The following GRIK4 variants were observed in gnomAD, a reference collection of about 807,000 sequenced individuals.
GRIK4 encodes the protein glutamate receptor ionotropic, kainate 4.
A neutral mutation model predicts 104.9 loss-of-function variants in GRIK4; 40 were observed. The ratio of observed to expected loss-of-function variants is 0.38; its 90% CI spans 0.30 to 0.50. The LOEUF (loss-of-function observed/expected upper bound fraction) is 0.50. GRIK4 is among the 20% of genes least tolerant of loss of function. The pLI is 0.93. For synonymous variants in GRIK4, 485 were observed against 524.9 expected, an observed-to-expected ratio of 0.92 and a Z score of 1.04; for missense variants, 1,047 against 1,308.1, an observed-to-expected ratio of 0.80 and a Z score of 3.08.
chr11:120,667,576 C>T (rs1264524437), intron 3 of GRIK4, among the ~76,000 whole-genome samples: 2 of 152,226 alleles, frequency 1.3e-5, no homozygotes, highest in Non-Finnish European at 2.9e-5. Flanking sequence ...GCACACGTTC[C>T]CTATCAGCTT....
chr11:120,785,726 C>T (rs190408022), intron 3 of GRIK4, among the ~76,000 whole-genome samples: 10 of 152,290 alleles, frequency 6.6e-5, no homozygotes, highest in African/African-American at 1.7e-4. Flanking sequence ...GGGGTGTTTC[C>T]GGTTTACACA....
At chr11:120,818,956 C>T (rs1953031896) in intron 5 of GRIK4, among the ~76,000 whole-genome samples, 1 of 152,188 alleles carries the variant, frequency 6.6e-6, no homozygotes, top group South Asian at 2.1e-4. Flanking sequence ...TTTCCTATTA[C>T]CTACCAAATA....
intron 3 of GRIK4, among the ~76,000 whole-genome samples, chr11:120,775,303 T>G (rs1952021945): frequency 6.6e-6 from 1 of 150,760 alleles, no homozygotes; most frequent in Non-Finnish European, 1.5e-5. Context: ...AGAGCCCCCC[T>G]AAGTGGTGAA....
intron 20 of GRIK4, among the ~76,000 whole-genome samples, chr11:120,983,214 T>G: frequency 6.6e-6 from 1 of 152,186 alleles, no homozygotes; most frequent in East Asian, 1.9e-4. Flanking sequence ...CTGCCTGCTC[T>G]TTCTCCAGTC....
At chr11:120,646,244 T>C (rs1373211301) in intron 1 of GRIK4, among the ~76,000 whole-genome samples, 1 of 152,232 alleles carries the variant, frequency 6.6e-6, no homozygotes, top group African/African-American at 2.4e-5. Context: ...GGCATACTGC[T>C]AAGATCGCAG....
At chr11:120,684,331 A>G (rs1950242538) in intron 3 of GRIK4, among the ~76,000 whole-genome samples, 1 of 152,216 alleles carries the variant, frequency 6.6e-6, no homozygotes, top group Non-Finnish European at 1.5e-5. Context: ...TCTAAGAAAT[A>G]AAAAAGGAAA....
chr11:120,953,024 T>G lies in GRIK4; in HGVS notation c.1700+60T>G. On this transcript the variant is annotated intron_variant, in intron 15 of 20. Transcript: ENST00000527524. The surrounding 1 kb of genome is among the most constrained non-coding windows in gnomAD (Gnocchi z 4.9). Reference sequence around the variant, plus strand: ...CCACCTCGTGTCCACCTCTGGGAACTGCATGGGGAGGGGGTGGGGAGGAGG... The same window carrying G: ...CCACCTCGTGTCCACCTCTGGGAACGGCATGGGGAGGGGGTGGGGAGGAGG... 2 of 1,000,860 alleles carry G rather than the reference T, an allele frequency of 2.0e-6. No individual in the cohort carries two copies. The highest frequency in any genetic ancestry group is 1.3e-5 in the South Asian group (1 of 76,726). The allele number at this position is 1,000,860 out of a possible 1,614,324, so 62.0% of individuals were successfully genotyped here. A position where few individuals can be genotyped will look rare whatever the true frequency, so the allele number is the denominator to read the frequency against.
In GRIK4 at chr11:120,912,348, G is replaced by A. The variant is rs904422108; in HGVS notation, c.1476+6855G>A. The stretch of plus-strand genomic sequence containing the variant: ...GAGTGGGCTTCAGCAGGCTGAAGGC[G>A]TAGACTGTAGGGTGAATGGATGGGT... On this transcript the variant is annotated intron_variant, in intron 13 of 20. Coordinates refer to ENST00000527524, the MANE Select transcript of GRIK4 (RefSeq NM_014619.5). 4.6e-5 allele frequency among the ~76,000 whole-genome samples: 7 copies of A among 152,322 alleles called. 1 individual carries two copies. In the South Asian group the frequency reaches 8.3e-4, roughly 18 times the overall value.
At position 120,578,146 on chromosome 11, in the gene GRIK4, C is replaced by T. The variant is rs540526710; in HGVS notation, c.-159+66259C>T. 8.3e-4 allele frequency among the ~76,000 whole-genome samples: 127 copies of T among 152,256 alleles called. 1 individual carries two copies. The highest frequency in any genetic ancestry group is 1.7e-3 in the Non-Finnish European group (113 of 68,022). On this transcript the variant is annotated intron_variant, in intron 1 of 20. Transcript: ENST00000527524. ...GCAGGGAGAAGGAGAGAAACACGAC[C>T]AGAGGGCAGGGAAGTAGAAGGGCAC...
At chr11:120,704,946 T>A (rs1042460117) in intron 3 of GRIK4, among the ~76,000 whole-genome samples, 3 of 152,228 alleles carry the variant, frequency 2.0e-5, no homozygotes, top group Non-Finnish European at 4.4e-5. Context: ...ATTTGTTGAA[T>A]AGACTGTTCT....
chr11:120,665,778 C>T (rs1949903966), intron 3 of GRIK4, among the ~76,000 whole-genome samples: 1 of 152,162 alleles, frequency 6.6e-6, no homozygotes, highest in Admixed American at 6.5e-5. Context: ...TTATGTAAGG[C>T]TATCTCTCCT....
chr11:120,668,438 A>G (rs1490867366), intron 3 of GRIK4, among the ~76,000 whole-genome samples: 2 of 152,172 alleles, frequency 1.3e-5, no homozygotes, highest in East Asian at 3.8e-4. Context: ...AATGAAAAGA[A>G]AGAGGCTTAC....
chr11:120,643,231 GA>G (rs1270979623), intron 1 of GRIK4, among the ~76,000 whole-genome samples: 1 of 151,996 alleles, frequency 6.6e-6, no homozygotes, highest in African/African-American at 2.4e-5. Flanking sequence ...AAGTGCTATG[GA>G]AAAAAGAAAA....
chr11:120,956,976 A>C lies in GRIK4; in HGVS notation c.1874+23A>C. 1 of 1,563,644 alleles carries C rather than the reference A, an allele frequency of 6.4e-7. No homozygotes were observed. The highest frequency in any genetic ancestry group is 8.7e-7 in the Non-Finnish European group (1 of 1,153,088). Reference sequence around the variant, plus strand: ...CTGGTAAGGCCCCAGGCAGAGGTGAACCAGGCCAGGTGGGGTGGGGACACA... The same window carrying C: ...CTGGTAAGGCCCCAGGCAGAGGTGACCCAGGCCAGGTGGGGTGGGGACACA... On this transcript the variant is annotated intron_variant, in intron 16 of 20. Transcript: ENST00000527524. The surrounding 1 kb of genome is among the most constrained non-coding windows in gnomAD (Gnocchi z 4.6).
chr11:120,631,074 G>T (rs1949327211), intron 1 of GRIK4, among the ~76,000 whole-genome samples: 1 of 152,212 alleles, frequency 6.6e-6, no homozygotes, highest in Admixed American at 6.5e-5. Flanking sequence ...TAATCATAGT[G>T]CCTGCCTTTC....
intron 3 of GRIK4, among the ~76,000 whole-genome samples, chr11:120,744,366 C>G (rs573959314): frequency 2.8e-3 from 432 of 152,272 alleles, no homozygotes; most frequent in Non-Finnish European, 5.2e-3. Flanking sequence ...GTCCCTGGCC[C>G]TTGTCAATCA....
chr11:120,720,849 A>C (rs1950920270), intron 3 of GRIK4, among the ~76,000 whole-genome samples: 2 of 152,090 alleles, frequency 1.3e-5, no homozygotes. Context: ...GTGTGATGGA[A>C]AGGTTAGAGG....
intron 3 of GRIK4, among the ~76,000 whole-genome samples, chr11:120,730,161 T>C (rs1030353470): frequency 4.6e-5 from 7 of 151,926 alleles, no homozygotes; most frequent in Admixed American, 4.6e-4. Context: ...TCAGGACCGG[T>C]CTGGGCAATA....
At chr11:120,958,539 G>A (rs1356877102) in intron 16 of GRIK4, among the ~76,000 whole-genome samples, 3 of 152,202 alleles carry the variant, frequency 2.0e-5, no homozygotes, top group East Asian at 1.9e-4. Context: ...GGCCTACCTC[G>A]ACCTCCTCAC....
Sources: allele counts gnomAD v4.1 joint callset (sites outside exome capture counted in the v4.1 genomes callset), GRCh38; gene constraint gnomAD v4.1.1; non-coding constraint Gnocchi (gnomAD v3.1); transcripts MANE v1.5; gene names NCBI Gene and HGNC (gene_info 2026-07-23, HGNC 2026-07-21).